The following TENM2 variants were observed in gnomAD, a reference collection of about 807,000 sequenced individuals.
The protein encoded by TENM2 is teneurin-2.
TENM2 carries 52 observed loss-of-function variants against 245.2 expected under a neutral mutation model. The observed-to-expected ratio is 0.21, with a 90% CI of 0.17 to 0.27. The LOEUF is 0.27. Among genes scored for constraint, TENM2 ranks in the 10% least tolerant of loss-of-function variants. TENM2 has a pLI of 1.00. For synonymous variants in TENM2, 1,363 were observed against 1,438.9 expected, an observed-to-expected ratio of 0.95 and a Z score of 1.19; for missense variants, 3,046 against 3,666.8, an observed-to-expected ratio of 0.83 and a Z score of 4.37.
rs775795299 is a variant in TENM2, at chr5:167,284,814, C to T, written c.-24C>T. The T allele has an allele frequency of 2.0e-6, 3 of 1,530,398 alleles. No individual in the cohort carries two copies. The South Asian group carries it at 3.6e-5, about 18-fold the overall frequency. 94.8% of individuals were successfully genotyped at this position (1,530,398 alleles called of 1,614,324 possible). ...TCAGGCCTGACTTTTCTGAAAACAT[C>T]AGCATTCTGCCATATCTGGAATAAT... On this transcript the variant is annotated 5_prime_UTR_variant, in exon 1 of 29. Transcript: ENST00000518659.
At chr5:167,028,834 A>C in the TENM2 span, among the ~76,000 whole-genome samples, 4 of 152,102 alleles carry the variant, frequency 2.6e-5, no homozygotes, top group Non-Finnish European at 4.4e-5. Context: ...AAGCAGTCGA[A>C]GCTCTGCCAC....
intron 3 of TENM2, 200 bp from the exon 6 acceptor site, chr5:167,952,388 G>A (rs558596337): frequency 5.0e-6 from 3 of 599,082 alleles, no homozygotes; most frequent in Non-Finnish European, 8.9e-6. Context: ...GATGCGTGTG[G>A]ATAAATGCAA....
In TENM2 at chr5:168,075,003, T is replaced by G. The variant is rs997156179; in HGVS notation, c.1515+12738T>G. On this transcript the variant is annotated intron_variant, in intron 7 of 28. Coordinates refer to ENST00000518659, the Ensembl canonical transcript of TENM2. ...TTGGTTCCGTGAATAAGTTCTTTAGTGGTGATTTCTGAGATTTTGGTGCAC... is the reference window on the plus strand; with the variant it reads ...TTGGTTCCGTGAATAAGTTCTTTAGGGGTGATTTCTGAGATTTTGGTGCAC... 2.0e-5 allele frequency among the ~76,000 whole-genome samples: 3 copies of G among 152,338 alleles called. No individual in the cohort carries two copies. In the East Asian group the frequency reaches 5.8e-4, roughly 29 times the overall value.
intron 2 of TENM2, among the ~76,000 whole-genome samples, chr5:167,417,955 C>A (rs1262193551): frequency 6.6e-6 from 1 of 152,180 alleles, no homozygotes; most frequent in Admixed American, 6.5e-5. Context: ...TGTTTTACTG[C>A]ATTAATTTGC....
intron 3 of TENM2, among the ~76,000 whole-genome samples, chr5:167,943,290 T>C (rs2151784163): frequency 7.9e-6 from 1 of 126,176 alleles, no homozygotes; most frequent in South Asian, 2.6e-4. Flanking sequence ...AGATCAGAGT[T>C]TGTTTCCATT....
chr5:168,229,628 G>C (rs754036350), intron 25 of TENM2: 14 of 152,212 alleles, frequency 9.2e-5, no homozygotes, highest in Non-Finnish European at 1.8e-4. Context: ...TGGAATCCCT[G>C]AGAGTAGAAG....
chr5:166,981,031 T>C, the TENM2 span, among the ~76,000 whole-genome samples: 1 of 152,228 alleles, frequency 6.6e-6, no homozygotes, highest in Non-Finnish European at 1.5e-5. Context: ...GTGAAGGCTC[T>C]TCAGCCCCAA....
In TENM2 at chr5:168,050,510, C is replaced by CTT. The variant is rs1788984403; in HGVS notation, c.1309+2962_1309+2963insTT. Among the ~76,000 whole-genome samples, 3 of 150,696 alleles carry CTT rather than the reference C, an allele frequency of 2.0e-5. No homozygotes were observed. In the South Asian group the frequency reaches 6.4e-4, roughly 32 times the overall value. On this transcript the variant is annotated intron_variant, in intron 6 of 28. Transcript: ENST00000518659. ...TTTTTTGGTGTAGGATATTCCTTCA[C>CTT]TCCAATGTTTTAACCAAGATACACC...
chr5:167,019,738 G>A, the TENM2 span, among the ~76,000 whole-genome samples: 1 of 152,028 alleles, frequency 6.6e-6, no homozygotes, highest in Non-Finnish European at 1.5e-5. Flanking sequence ...CCAAAATGCT[G>A]GAATTACAGA....
In TENM2 at chr5:167,594,764, C is replaced by T. The variant is rs576619705; in HGVS notation, c.502+219291C>T. Among the ~76,000 whole-genome samples the T allele has an allele frequency of 4.6e-5, 7 of 152,180 alleles. No individual in the cohort carries two copies. The South Asian group carries it at 1.0e-3, about 23-fold the overall frequency. Reference sequence around the variant, plus strand: ...TCAAATAGAAAGAACTAACCTCAAGCGGGGATTGTCTGTCTTCGATCATAT... The same window carrying T: ...TCAAATAGAAAGAACTAACCTCAAGTGGGGATTGTCTGTCTTCGATCATAT... On this transcript the variant is annotated intron_variant, in intron 2 of 28. Coordinates refer to ENST00000518659, the Ensembl canonical transcript of TENM2.
chr5:168,242,988 T>C (rs1168827091), intron 25 of TENM2, among the ~76,000 whole-genome samples: 1 of 151,920 alleles, frequency 6.6e-6, no homozygotes, highest in Non-Finnish European at 1.5e-5. Context: ...ATTACTATCA[T>C]CACCACCATC....
At chr5:168,202,608 T>C (rs1179466139) in intron 17 of TENM2, among the ~76,000 whole-genome samples, 1 of 151,622 alleles carries the variant, frequency 6.6e-6, no homozygotes, top group African/African-American at 2.4e-5. Context: ...AAATAATATA[T>C]CAAGGCCACA....
In TENM2 at chr5:168,037,378, A is replaced by G. The variant is rs182062751; in HGVS notation, c.1187-10049A>G. On this transcript the variant is annotated intron_variant, in intron 5 of 28. Transcript: ENST00000518659. Reference sequence around the variant, plus strand: ...CTGAAAAAGTACCAAGTTTGCATGCAGGAGGGAACATATCTATATTGACCA... The same window carrying G: ...CTGAAAAAGTACCAAGTTTGCATGCGGGAGGGAACATATCTATATTGACCA... Among the ~76,000 whole-genome samples, 140 of 152,308 alleles carry G rather than the reference A, an allele frequency of 9.2e-4. 1 individual carries two copies. Among genetic ancestry groups the G allele is most frequent in the Non-Finnish European group, 1.6e-3 (109 of 68,026 alleles).
intron 1 of TENM2, chr5:167,306,157 CAGTA>C (rs1755663748): frequency 6.6e-6 from 1 of 152,122 alleles, no homozygotes; most frequent in Admixed American, 6.5e-5. Flanking sequence ...ACGCTAAAGG[CAGTA>C]GCCTGCTCCT....
intron 2 of TENM2, among the ~76,000 whole-genome samples, chr5:167,377,942 A>G (rs1331674316): frequency 6.6e-6 from 1 of 152,122 alleles, no homozygotes. Flanking sequence ...GCCTTTCTTG[A>G]AGAGGAAGTA....
intron 2 of TENM2, among the ~76,000 whole-genome samples, chr5:167,636,873 A>T (rs1450932457): frequency 3.3e-5 from 5 of 152,200 alleles, no homozygotes; most frequent in African/African-American, 1.2e-4. Flanking sequence ...GCCCTATGCT[A>T]GTCCCTTTAG....
intron 2 of TENM2, among the ~76,000 whole-genome samples, chr5:167,592,005 C>T (rs746928084): frequency 2.6e-5 from 4 of 152,180 alleles, no homozygotes; most frequent in South Asian, 2.1e-4. Flanking sequence ...TCAAGTGATA[C>T]AGCATTTGCC....
intron 3 of TENM2, among the ~76,000 whole-genome samples, chr5:167,911,308 T>C (rs1445781340): frequency 2.0e-5 from 3 of 152,026 alleles, no homozygotes; most frequent in Non-Finnish European, 4.4e-5. Flanking sequence ...GGACGGATCA[T>C]GAGGTCAGGA....
intron 19 of TENM2, among the ~76,000 whole-genome samples, chr5:168,206,090 A>G (rs1480527473): frequency 1.3e-5 from 2 of 152,218 alleles, no homozygotes; most frequent in Non-Finnish European, 2.9e-5. Context: ...GGCCCTGCCT[A>G]GGATTTTGGC....
Sources: gnomAD v4.1 joint callset for allele counts (sites outside exome capture counted in the v4.1 genomes callset) on GRCh38, gnomAD v4.1.1 for gene constraint, MANE v1.5 for transcripts, NCBI Gene and HGNC (gene_info 2026-07-23, HGNC 2026-07-21) for gene names.